The following ZNF503 variants were observed in gnomAD, a reference collection of about 807,000 sequenced individuals.
ZNF503 encodes the protein zinc finger protein 503, also known as NocA-like zinc finger 2.
Under a neutral mutation model 34.4 loss-of-function variants are expected in ZNF503, and 15 were observed. The observed-to-expected ratio is 0.44, with a 90% CI of 0.29 to 0.67. ZNF503 has a LOEUF of 0.67. Ranked by LOEUF, ZNF503 falls within the 30% of genes least tolerant of loss-of-function variation. The probability of loss-of-function intolerance (pLI) is 0.13; values close to 1 mark genes in which losing one functional copy is unlikely to be tolerated. For synonymous variants in ZNF503, 580 were observed against 456.8 expected (o/e 1.27, Z -3.44); for missense variants, 1,007 against 926.8 (o/e 1.09, Z -1.12).
chr10:75,392,220 TTGTTGGCAA>T, the ZNF503 span, among the ~76,000 whole-genome samples: 1 of 152,232 alleles, frequency 6.6e-6, no homozygotes, highest in African/African-American at 2.4e-5. Flanking sequence ...AATATTATTC[TTGTTGGCAA>T]TGTGCTGTTC....
chr10:75,321,141 C>T, the ZNF503 span, among the ~76,000 whole-genome samples: 3 of 152,162 alleles, frequency 2.0e-5, no homozygotes, highest in East Asian at 3.9e-4. Context: ...CTTTCTTCCT[C>T]CTGCTCTGGC....
chr10:75,390,818 C>A, the ZNF503 span, among the ~76,000 whole-genome samples: 1 of 152,182 alleles, frequency 6.6e-6, no homozygotes, highest in African/African-American at 2.4e-5. Context: ...ATACCATAGA[C>A]TGAGAGGCTT....
rs535101391 is a variant in ZNF503, at chr10:75,398,715, C to G, written c.*34G>C. 7.4e-7 allele frequency: 1 copy of G among 1,354,172 alleles called. No individual in the cohort carries two copies. Among genetic ancestry groups the G allele is most frequent in the African/African-American group, 1.5e-5 (1 of 65,388 alleles). The allele number at this position is 1,354,172 out of a possible 1,614,324, so 83.9% of individuals were successfully genotyped here. A position where few individuals can be genotyped will look rare whatever the true frequency, so the allele number is the denominator to read the frequency against. On this transcript the variant is annotated 3_prime_UTR_variant, in exon 2 of 2. Coordinates refer to ENST00000372524, the MANE Select transcript of ZNF503 (RefSeq NM_032772.6). ...CCCTGGACTCCTCCCCTCCCCCTCT[C>G]CCTCCTCTCCCTCGCTCGCCCTCCC...
chr10:75,304,649 A>C, the ZNF503 span, among the ~76,000 whole-genome samples: 2 of 152,240 alleles, frequency 1.3e-5, no homozygotes, highest in Admixed American at 1.3e-4. Flanking sequence ...GTAAATAATA[A>C]AATTTAACTA....
the ZNF503 span, among the ~76,000 whole-genome samples, chr10:75,381,805 C>CTTTT: frequency 2.2e-3 from 86 of 38,658 alleles, 21 homozygotes; most frequent in African/African-American, 4.5e-3. Flanking sequence ...GAACCTAATT[C>CTTTT]TTTTTTTTTT....
chr10:75,281,219 T>G, the ZNF503 span, among the ~76,000 whole-genome samples: 1 of 152,148 alleles, frequency 6.6e-6, no homozygotes, highest in Non-Finnish European at 1.5e-5. Flanking sequence ...AAGAGAGATG[T>G]GACCTAGTTT....
rs1276216434 is a variant in ZNF503 at position 75,399,895 on chromosome 10, C to G, written c.795G>C (p.Lys265Asn). 1 of 1,602,632 alleles carries G rather than the reference C, an allele frequency of 6.2e-7. No individual in the cohort carries two copies. Among genetic ancestry groups the G allele is most frequent in the East Asian group, 2.2e-5 (1 of 44,500 alleles). Residue 265 changes from lysine to asparagine, a missense_variant, in exon 2 of 2, where the codon AAG becomes AAC. Transcript: ENST00000372524. ...KKDTDVGGGG[K>N]GTGGASAEGG... ...CTTCGGCCGAGGCGCCCCCGGTGCC[C>G]TTGCCACCGCCGCCCACGTCGGTGT... is the stretch of plus-strand genomic sequence containing the variant.
At chr10:75,300,272 G>A in the ZNF503 span, among the ~76,000 whole-genome samples, 1 of 152,178 alleles carries the variant, frequency 6.6e-6, no homozygotes, top group Admixed American at 6.5e-5. Context: ...CAGAGTTTAA[G>A]GTTATCTCTC....
the ZNF503 span, among the ~76,000 whole-genome samples, chr10:75,328,904 G>A: frequency 2.0e-5 from 3 of 151,708 alleles, no homozygotes; most frequent in African/African-American, 4.8e-5. Flanking sequence ...ATGTCACCAC[G>A]CCCAGCTAAT....
At chr10:75,376,516 C>G in the ZNF503 span, among the ~76,000 whole-genome samples, 1 of 152,076 alleles carries the variant, frequency 6.6e-6, no homozygotes, top group African/African-American at 2.4e-5. Flanking sequence ...TGGTGGCACG[C>G]ACCTGTATTT....
chr10:75,362,651 C>T, the ZNF503 span, among the ~76,000 whole-genome samples: 1 of 152,212 alleles, frequency 6.6e-6, no homozygotes, highest in African/African-American at 2.4e-5. Context: ...TTATTACACC[C>T]TTGGGCTAAA....
the ZNF503 span, chr10:75,373,268 C>G: frequency 3.9e-5 from 6 of 152,354 alleles, no homozygotes; most frequent in East Asian, 1.2e-3. Flanking sequence ...GCACAAAGGC[C>G]AGCCCTTTGT....
the ZNF503 span, among the ~76,000 whole-genome samples, chr10:75,376,169 G>A: frequency 6.6e-6 from 1 of 152,188 alleles, no homozygotes; most frequent in African/African-American, 2.4e-5. Flanking sequence ...AGGCCTCAGA[G>A]ATGTGGAAGT....
At chr10:75,372,724 C>T in the ZNF503 span, among the ~76,000 whole-genome samples, 1 of 152,178 alleles carries the variant, frequency 6.6e-6, no homozygotes, top group Non-Finnish European at 1.5e-5. Context: ...CTGTGGGCAA[C>T]GACCCCCAAT....
At chr10:75,391,168 T>C in the ZNF503 span, among the ~76,000 whole-genome samples, 1 of 152,226 alleles carries the variant, frequency 6.6e-6, no homozygotes, top group Non-Finnish European at 1.5e-5. Context: ...TGAGTTTATC[T>C]GAGGTGGCAG....
At chr10:75,345,743 A>G in the ZNF503 span, among the ~76,000 whole-genome samples, 1 of 151,930 alleles carries the variant, frequency 6.6e-6, no homozygotes, top group East Asian at 1.9e-4. Context: ...AGCCAAGCTG[A>G]TATCAGGCTT....
chr10:75,398,540 G>A lies in ZNF503; in HGVS notation c.*209C>T. ...TTTTCAACTTTTATAAAGTTTGGGT[G>A]GGGAGGTGAAAGTGGGGAGAAGGGG... On this transcript the variant is annotated 3_prime_UTR_variant, in exon 2 of 2. Transcript: ENST00000372524. 2.5e-6 allele frequency: 1 copy of A among 406,526 alleles called. No individual in the cohort carries two copies. Among genetic ancestry groups the A allele is most frequent in the Non-Finnish European group, 4.3e-6 (1 of 234,442 alleles). 25.2% of individuals were successfully genotyped at this position (406,526 alleles called of 1,614,324 possible). A position where few individuals can be genotyped will look rare whatever the true frequency, so the allele number is the denominator to read the frequency against.
chr10:75,333,947 C>T, the ZNF503 span, among the ~76,000 whole-genome samples: 2 of 49,668 alleles, frequency 4.0e-5, no homozygotes, highest in Non-Finnish European at 7.8e-5. Context: ...ATGGGCGGCC[C>T]GGCAGAGACG....
the ZNF503 span, among the ~76,000 whole-genome samples, chr10:75,345,653 GAAAAGAAAAGA>G: frequency 1.5e-5 from 2 of 129,882 alleles, no homozygotes; most frequent in Admixed American, 7.7e-5. Context: ...AAAAAAAAAA[GAAAAGAAAAGA>G]AAAAGAAAAA....
Sources: allele counts gnomAD v4.1 joint callset (sites outside exome capture counted in the v4.1 genomes callset), GRCh38; gene constraint gnomAD v4.1.1; transcripts MANE v1.5; gene names NCBI Gene and HGNC (gene_info 2026-07-23, HGNC 2026-07-21).